Variants in ZFPM2 observed in about 807,000 individuals in gnomAD.
ZFPM2 encodes zinc finger protein ZFPM2.
In ZFPM2, 20 loss-of-function variants were observed where a neutral mutation model predicts 98.6. The observed-to-expected ratio is 0.20, with a 90% CI of 0.14 to 0.29. The LOEUF (loss-of-function observed/expected upper bound fraction) is 0.29, where lower values mean the gene tolerates loss of function less well. Ranked by LOEUF, ZFPM2 falls within the 10% of genes least tolerant of loss-of-function variation. The probability of loss-of-function intolerance (pLI) is 1.00; values close to 1 mark genes in which losing one functional copy is unlikely to be tolerated. For missense variants in ZFPM2, 1,310 were observed against 1,388.6 expected, an observed-to-expected ratio of 0.94 and a Z score of 0.90; for synonymous variants, 518 against 502.7, an observed-to-expected ratio of 1.03 and a Z score of -0.41.
intron 1 of ZFPM2, among the ~76,000 whole-genome samples, chr8:105,330,544 A>C (rs1186645631): frequency 1.4e-3 from 102 of 70,600 alleles, no homozygotes; most frequent in African/African-American, 4.3e-3. Context: ...CTCTCTATAT[A>C]TATATATACA....
chr8:105,481,893 C>T (rs1365654367), intron 3 of ZFPM2, among the ~76,000 whole-genome samples: 1 of 152,142 alleles, frequency 6.6e-6, no homozygotes, highest in East Asian at 1.9e-4. Flanking sequence ...GCAACAACAG[C>T]AACTTATTGC....
chr8:105,786,729 A>C (rs1304942552), intron 5 of ZFPM2, among the ~76,000 whole-genome samples: 1 of 152,146 alleles, frequency 6.6e-6, no homozygotes, highest in Non-Finnish European at 1.5e-5. Context: ...TTATTTACTA[A>C]ATCTTTTGGT....
chr8:105,451,479 G>A (rs1428218192), intron 3 of ZFPM2: 2 of 152,184 alleles, frequency 1.3e-5, no homozygotes, highest in East Asian at 3.9e-4. Context: ...TAGGGTTGTT[G>A]GAGATATAAT....
intron 5 of ZFPM2, among the ~76,000 whole-genome samples, chr8:105,741,718 G>T (rs1322462638): frequency 6.6e-6 from 1 of 152,000 alleles, no homozygotes. Context: ...ATGTATGATT[G>T]CTGGAAAACA....
chr8:105,571,688 T>C (rs972781693), intron 4 of ZFPM2, among the ~76,000 whole-genome samples: 16 of 152,230 alleles, frequency 1.1e-4, no homozygotes, highest in African/African-American at 3.6e-4. Flanking sequence ...TGACAATTAA[T>C]ACATTCAGTA....
At chr8:105,321,109 C>G (rs989397073) in intron 1 of ZFPM2, among the ~76,000 whole-genome samples, 3 of 151,996 alleles carry the variant, frequency 2.0e-5, no homozygotes, top group Admixed American at 1.3e-4. Context: ...TGGAGTAGTC[C>G]TCTTCTTTTA....
intron 5 of ZFPM2, among the ~76,000 whole-genome samples, chr8:105,722,081 A>G (rs1811681911): frequency 6.6e-6 from 1 of 151,750 alleles, no homozygotes; most frequent in Admixed American, 6.6e-5. Flanking sequence ...CTTTTTATGT[A>G]GTTATTAATT....
chr8:105,711,012 T>C (rs1423744829), intron 5 of ZFPM2, among the ~76,000 whole-genome samples: 1 of 152,106 alleles, frequency 6.6e-6, no homozygotes. Context: ...CTTGATGTAA[T>C]TTTTGATTCT....
At chr8:105,538,547 T>A (rs1021233725) in intron 3 of ZFPM2, among the ~76,000 whole-genome samples, 1 of 152,198 alleles carries the variant, frequency 6.6e-6, no homozygotes, top group Admixed American at 6.6e-5. Context: ...TGTTGTGTTG[T>A]CTGTCCCATA....
At chr8:105,707,570 C>T (rs1328787621) in intron 5 of ZFPM2, among the ~76,000 whole-genome samples, 3 of 152,120 alleles carry the variant, frequency 2.0e-5, no homozygotes, top group Non-Finnish European at 4.4e-5. Flanking sequence ...TAAGACCAAT[C>T]CAATTCAGTG....
chr8:105,328,692 T>C (rs1217918372), intron 1 of ZFPM2, among the ~76,000 whole-genome samples: 1 of 151,890 alleles, frequency 6.6e-6, no homozygotes, highest in Non-Finnish European at 1.5e-5. Flanking sequence ...TTTATTTATT[T>C]AGGATAAAAC....
intron 1 of ZFPM2, among the ~76,000 whole-genome samples, chr8:105,329,422 T>A (rs2130664279): frequency 6.6e-6 from 1 of 151,990 alleles, no homozygotes; most frequent in East Asian, 1.9e-4. Flanking sequence ...TACTTCCATG[T>A]TAATTTAACT....
At chr8:105,334,523 C>T (rs1265911024) in intron 1 of ZFPM2, among the ~76,000 whole-genome samples, 1 of 151,596 alleles carries the variant, frequency 6.6e-6, no homozygotes, top group Non-Finnish European at 1.5e-5. Context: ...TTTCTCTACT[C>T]TCAGCAGCAT....
intron 5 of ZFPM2, among the ~76,000 whole-genome samples, chr8:105,722,095 T>A (rs1421914896): frequency 2.0e-5 from 3 of 151,802 alleles, no homozygotes; most frequent in Non-Finnish European, 4.4e-5. Context: ...ATTAATTTTT[T>A]AAAATTATAT....
chr8:105,488,826 C>A (rs533176582), intron 3 of ZFPM2, among the ~76,000 whole-genome samples: 51 of 152,186 alleles, frequency 3.4e-4, no homozygotes, highest in African/African-American at 1.1e-3. Context: ...AAAAGAGATT[C>A]TATGTGAACA....
intron 1 of ZFPM2, among the ~76,000 whole-genome samples, chr8:105,357,824 G>A (rs1473650282): frequency 6.6e-6 from 1 of 152,126 alleles, no homozygotes; most frequent in African/African-American, 2.4e-5. Context: ...ACCATAGAAT[G>A]ATGATGCCAC....
At chr8:105,466,275 A>G (rs1440667877) in intron 3 of ZFPM2, among the ~76,000 whole-genome samples, 1 of 152,052 alleles carries the variant, frequency 6.6e-6, no homozygotes, top group Non-Finnish European at 1.5e-5. Context: ...ACATTTCAAA[A>G]TCATATTTAT....
At chr8:105,752,004 A>T (rs1671543003) in intron 5 of ZFPM2, among the ~76,000 whole-genome samples, 1 of 152,122 alleles carries the variant, frequency 6.6e-6, no homozygotes. Flanking sequence ...TCTACAGATC[A>T]TTACTTTGTG....
chr8:105,504,814 C>G (rs574109601), intron 3 of ZFPM2, among the ~76,000 whole-genome samples: 1 of 151,884 alleles, frequency 6.6e-6, no homozygotes, highest in Admixed American at 6.6e-5. Context: ...ACTTGGGTTC[C>G]TAGGGAAGGG....
Sources: gnomAD v4.1 joint callset for allele counts (sites outside exome capture counted in the v4.1 genomes callset) on GRCh38, gnomAD v4.1.1 for gene constraint, MANE v1.5 for transcripts, NCBI Gene and HGNC (gene_info 2026-07-23, HGNC 2026-07-21) for gene names.